Variants in SLC29A3 observed in about 807,000 individuals in gnomAD.
SLC29A3 encodes the protein equilibrative nucleoside transporter 3.
A neutral mutation model predicts 25.4 loss-of-function variants in SLC29A3; 18 were observed. The observed-to-expected ratio is 0.71, with a 90% CI of 0.49 to 1.05. The LOEUF (loss-of-function observed/expected upper bound fraction) is 1.05, where lower values mean the gene tolerates loss of function less well. Among genes scored for constraint, SLC29A3 ranks in the 50% least tolerant of loss-of-function variants. The probability of loss-of-function intolerance (pLI) is 0.00; values close to 1 mark genes in which losing one functional copy is unlikely to be tolerated. For missense variants in SLC29A3, 586 were observed against 609.0 expected, an observed-to-expected ratio of 0.96 and a Z score of 0.40; for synonymous variants, 258 against 267.1, an observed-to-expected ratio of 0.97 and a Z score of 0.33.
intron 3 of SLC29A3, among the ~76,000 whole-genome samples, chr10:71,346,168 C>T (rs1447979584): frequency 6.6e-6 from 1 of 152,216 alleles, no homozygotes; most frequent in Non-Finnish European, 1.5e-5. Context: ...GTCTGGAGGT[C>T]CCACAGGCTG....
chr10:71,323,035 C>G lies in SLC29A3; in HGVS notation c.281C>G (p.Pro94Arg). 1.2e-6 allele frequency: 2 copies of G among 1,613,492 alleles called. No homozygotes were observed. Among genetic ancestry groups the G allele is most frequent in the Middle Eastern group, 1.8e-4 (1 of 5,682 alleles). The change falls in exon 2 of 6, where the codon CCT (proline) becomes CGT (arginine). Residue 94 changes from proline to arginine, a missense_variant. Coordinates refer to ENST00000373189, the MANE Select transcript of SLC29A3 (RefSeq NM_018344.6). ...NSSSPATGED[P>R]EGSDILNYFE... ...TCCAGCCCAGCCACCGGGGAGGACC[C>G]TGAGGGCTCAGACATCCTGGTAAGG...
Position 71,362,665 on chromosome 10 carries a change from C to G in SLC29A3, c.*57C>G. 1 of 1,608,866 alleles carries G rather than the reference C, an allele frequency of 6.2e-7. No homozygotes were observed. The highest frequency in any genetic ancestry group is 1.1e-5 in the South Asian group (1 of 90,626). On this transcript the variant is annotated 3_prime_UTR_variant, in exon 6 of 6. Transcript: ENST00000373189. ...AGCCTTTGAAGATGAGAAGAGAGTG[C>G]AGGAGGGCTGGGGGCCATGGAGGAA...
In SLC29A3 at chr10:71,351,598, G is replaced by A. The variant is rs374748823; in HGVS notation, c.420G>A (p.Thr140=). 3.7e-5 allele frequency: 60 copies of A among 1,614,114 alleles called. 1 individual carries two copies. The East Asian group carries it at 4.5e-4, about 12-fold the overall frequency. ...AVHIRVLASL[T]VILAIFMVIT... The stretch of plus-strand genomic sequence containing the variant: ...ACATCCGTGTCCTGGCCTCACTGAC[G>A]GTCATCCTGGCCATCTTCATGGTGA... The change falls in exon 4 of 6, where the codon ACG becomes ACA. Residue 140 remains threonine (T), a synonymous_variant. Coordinates refer to ENST00000373189, the MANE Select transcript of SLC29A3 (RefSeq NM_018344.6).
chr10:71,329,459 A>G (rs1445489457), intron 2 of SLC29A3, among the ~76,000 whole-genome samples: 1 of 148,822 alleles, frequency 6.7e-6, no homozygotes. Context: ...CTCTGTCTCA[A>G]AAAAAAAAAA....
chr10:71,358,460 C>T (rs1193749989), intron 5 of SLC29A3, among the ~76,000 whole-genome samples: 1 of 152,210 alleles, frequency 6.6e-6, no homozygotes, highest in Admixed American at 6.5e-5. Context: ...GTCCTCCCCG[C>T]CCCTTCAGGG....
chr10:71,351,573 A>G lies in SLC29A3; in HGVS notation c.395A>G (p.His132Arg), dbSNP rs777204470. Reference protein sequence around the residue: ...NFLLVNRVAVHIRVLASLTVI... With the variant: ...NFLLVNRVAVRIRVLASLTVI... ...CATCCTCGCCCCAGGGTTGCAGTCCACATCCGTGTCCTGGCCTCACTGACG... is the reference window on the plus strand; with the variant it reads ...CATCCTCGCCCCAGGGTTGCAGTCCGCATCCGTGTCCTGGCCTCACTGACG... Residue 132 changes from histidine to arginine, a missense_variant, in exon 4 of 6, where the codon CAC becomes CGC. His to Arg is a conservative substitution (Grantham distance 29, BLOSUM62 0). Transcript: ENST00000373189. 2 of 1,614,224 alleles carry G rather than the reference A, an allele frequency of 1.2e-6. No homozygotes were observed. The highest frequency in any genetic ancestry group is 4.5e-5 in the East Asian group (2 of 44,884).
chr10:71,369,862 G>A (rs1158617715), intron 3 of SLC29A3, among the ~76,000 whole-genome samples: 1 of 152,220 alleles, frequency 6.6e-6, no homozygotes, highest in Admixed American at 6.5e-5. Context: ...AGAGCTAGGA[G>A]GCTCCAAAGC....
chr10:71,354,662 G>A (rs1055342659), intron 4 of SLC29A3, among the ~76,000 whole-genome samples: 1 of 152,178 alleles, frequency 6.6e-6, no homozygotes, highest in Admixed American at 6.5e-5. Context: ...TGCCCACACG[G>A]ACCCAGCCTT....
intron 1 of SLC29A3, 85 bp downstream of exon 1, chr10:71,319,395 G>T: frequency 1.8e-6 from 1 of 565,014 alleles, no homozygotes; most frequent in Non-Finnish European, 3.1e-6. Flanking sequence ...CCCGGGCCCT[G>T]GGGGCGGCTG....
intron 3 of SLC29A3, among the ~76,000 whole-genome samples, chr10:71,350,247 C>T (rs548419314): frequency 6.6e-6 from 1 of 151,966 alleles, no homozygotes; most frequent in African/African-American, 2.4e-5. Flanking sequence ...CTCAAATTAG[C>T]CTGGGGCCAC....
exon 5 of SLC29A3, chr10:71,380,336 A>C (rs1219632185): frequency 6.6e-6 from 1 of 152,150 alleles, no homozygotes; most frequent in Non-Finnish European, 1.5e-5. Flanking sequence ...TAACAAGATG[A>C]TAAACCTTGG....
intron 2 of SLC29A3, among the ~76,000 whole-genome samples, chr10:71,326,362 T>G (rs986215547): frequency 2.2e-4 from 34 of 152,230 alleles, no homozygotes; most frequent in African/African-American, 8.2e-4. Flanking sequence ...TTATAAACAC[T>G]ATTATTGTGA....
At chr10:71,339,917 G>C (rs1009323878) in intron 2 of SLC29A3, among the ~76,000 whole-genome samples, 1 of 151,720 alleles carries the variant, frequency 6.6e-6, no homozygotes, top group Non-Finnish European at 1.5e-5. Context: ...CCACCTCCCC[G>C]AGGGCACGCA....
At chr10:71,339,520 G>A (rs1403747035) in intron 2 of SLC29A3, among the ~76,000 whole-genome samples, 2 of 152,142 alleles carry the variant, frequency 1.3e-5, no homozygotes, top group Non-Finnish European at 2.9e-5. Flanking sequence ...GGGCCTCTCT[G>A]CCATTAGCGC....
Position 71,362,598 on chromosome 10 carries a change from A to G in SLC29A3, c.1418A>G (p.His473Arg), listed in dbSNP as rs772107144. 1 of 1,613,960 alleles carries G rather than the reference A, an allele frequency of 6.2e-7. No homozygotes were observed. The highest frequency in any genetic ancestry group is 8.5e-7 in the Non-Finnish European group (1 of 1,180,032). ...TCAGCCTGCTCTACCCTCCTGGTGC[A>G]CCTCATCTAGAAGGGAGGACACAAG... ...LGSACSTLLV[H>R]LI The change falls in exon 6 of 6, where the codon CAC becomes CGC. Residue 473 changes from histidine to arginine, a missense_variant. Physicochemically the swap from His to Arg is conservative, Grantham distance 29 (BLOSUM62 0). Coordinates refer to ENST00000373189, the MANE Select transcript of SLC29A3 (RefSeq NM_018344.6).
rs899337591 is a variant in SLC29A3, at chr10:71,330,867, T to G, written c.300+7813T>G. On this transcript the variant is annotated intron_variant, in intron 2 of 5. Transcript: ENST00000373189. ...TTTTTTCATGATCTTTTGTTTGTTT[T>G]TTTTTTACAGCCCAAAGACATAGGT... is the stretch of plus-strand genomic sequence containing the variant. Among the ~76,000 whole-genome samples the G allele has an allele frequency of 7.2e-5, 11 of 152,298 alleles. No homozygotes were observed. The South Asian group carries it at 8.3e-4, about 11-fold the overall frequency.
At chr10:71,345,790 GGA>G (rs1273364209) in intron 3 of SLC29A3, among the ~76,000 whole-genome samples, 2 of 152,218 alleles carry the variant, frequency 1.3e-5, no homozygotes, top group South Asian at 2.1e-4. Flanking sequence ...GCGCCTCGCA[GGA>G]GAGAGGGTGT....
chr10:71,356,644 C>T (rs936889378), intron 5 of SLC29A3, among the ~76,000 whole-genome samples: 1 of 151,920 alleles, frequency 6.6e-6, no homozygotes, highest in Non-Finnish European at 1.5e-5. Context: ...CTGGGCAACA[C>T]AGTGAGACCC....
chr10:71,324,212 T>C (rs561497854), intron 2 of SLC29A3, among the ~76,000 whole-genome samples: 22 of 152,348 alleles, frequency 1.4e-4, no homozygotes, highest in African/African-American at 5.1e-4. Flanking sequence ...AGGCGAGGCC[T>C]CTGCTTGCTG....
Sources: allele counts gnomAD v4.1 joint callset (sites outside exome capture counted in the v4.1 genomes callset), GRCh38; gene constraint gnomAD v4.1.1; transcripts MANE v1.5; gene names NCBI Gene and HGNC (gene_info 2026-07-23, HGNC 2026-07-21).